HPSE2: variants seen among roughly 807,000 people sequenced by gnomAD.
HPSE2 encodes heparanase 2 (inactive), also known as inactive heparanase-2.
HPSE2 carries 38 observed loss-of-function variants against 60.5 expected under a neutral mutation model. That is an observed-to-expected ratio of 0.63 (90% CI 0.48 to 0.82). The LOEUF (loss-of-function observed/expected upper bound fraction) is 0.82, where lower values mean the gene tolerates loss of function less well. Among genes scored for constraint, HPSE2 ranks in the 40% least tolerant of loss-of-function variants. The probability of loss-of-function intolerance (pLI) is 0.00; values close to 1 mark genes in which losing one functional copy is unlikely to be tolerated. For missense variants in HPSE2, 713 were observed against 740.4 expected (o/e 0.96, Z 0.43); for synonymous variants, 295 against 293.2 (o/e 1.01, Z -0.06).
chr10:98,528,359 TATA>T (rs1943032448), intron 9 of HPSE2, among the ~76,000 whole-genome samples: 1 of 152,216 alleles, frequency 6.6e-6, no homozygotes, highest in South Asian at 2.1e-4. Flanking sequence ...AGCTGAGCTT[TATA>T]ATTCTAGATA....
rs558761324 is a variant in HPSE2 at position 99,014,016 on chromosome 10, G to C, written c.610+130222C>G. 7 of 294,084 alleles carry C rather than the reference G, an allele frequency of 2.4e-5. No homozygotes were observed. In the East Asian group the frequency reaches 3.9e-4, roughly 16 times the overall value. The allele number at this position is 294,084 out of a possible 1,614,324, so 18.2% of individuals were successfully genotyped here. On this transcript the variant is annotated intron_variant, in intron 3 of 11. Transcript: ENST00000370552. ...CCTGGCCTCCCTGGCTCAGGCTAAG[G>C]GGGTGGCAGAGAGAGACACACTGGA...
At chr10:98,790,026 G>C (rs1950622271) in intron 3 of HPSE2, among the ~76,000 whole-genome samples, 1 of 152,090 alleles carries the variant, frequency 6.6e-6, no homozygotes, top group South Asian at 2.1e-4. Flanking sequence ...TCAGTGGTCA[G>C]GAGAGAAGTA....
intron 3 of HPSE2, among the ~76,000 whole-genome samples, chr10:98,985,256 C>T (rs1956312958): frequency 6.6e-6 from 1 of 152,128 alleles, no homozygotes; most frequent in Admixed American, 6.5e-5. Context: ...GTCAGGTTAC[C>T]CACAAAGGGA....
chr10:98,899,656 C>T (rs1236479756), intron 3 of HPSE2, among the ~76,000 whole-genome samples: 1 of 151,176 alleles, frequency 6.6e-6, no homozygotes, highest in East Asian at 1.9e-4. Flanking sequence ...AAAAGACTGA[C>T]AATAGCAAGT....
At position 98,918,985 on chromosome 10, in the gene HPSE2, G is replaced by A. The variant is rs533113197; in HGVS notation, c.611-174929C>T. Among the ~76,000 whole-genome samples, 9 of 152,066 alleles carry A rather than the reference G, an allele frequency of 5.9e-5. No individual in the cohort carries two copies. The East Asian group carries it at 1.7e-3, about 29-fold the overall frequency. ...GGCCAAGCATTGTGCTAGGTGCAAG[G>A]GTTGTAAAGAAAAATAAGATACAGC... is the stretch of plus-strand genomic sequence containing the variant. On this transcript the variant is annotated intron_variant, in intron 3 of 11. Transcript: ENST00000370552.
chr10:98,860,172 T>G (rs2134774131), intron 3 of HPSE2, among the ~76,000 whole-genome samples: 1 of 152,286 alleles, frequency 6.6e-6, no homozygotes, highest in African/African-American at 2.4e-5. Context: ...TTTATTCTGT[T>G]TCCCTGGAGA....
At chr10:98,603,431 G>GT (rs1466185307) in intron 9 of HPSE2, among the ~76,000 whole-genome samples, 3 of 26,852 alleles carry the variant, frequency 1.1e-4, no homozygotes, top group African/African-American at 1.6e-4. Context: ...AGAGCACTCT[G>GT]TTTTTTTGTT....
At chr10:98,676,675 C>T (rs1186405705) in intron 6 of HPSE2, among the ~76,000 whole-genome samples, 1 of 152,130 alleles carries the variant, frequency 6.6e-6, no homozygotes, top group Non-Finnish European at 1.5e-5. Context: ...ACACTGTTCA[C>T]TGACTAGGGG....
intron 3 of HPSE2, among the ~76,000 whole-genome samples, chr10:98,746,658 A>G (rs1565132214): frequency 1.3e-5 from 2 of 151,966 alleles, no homozygotes; most frequent in African/African-American, 2.4e-5. Context: ...TTTCAATCAT[A>G]GTTGTCTAAA....
chr10:98,763,906 T>C (rs1323585861), intron 3 of HPSE2, among the ~76,000 whole-genome samples: 2 of 151,690 alleles, frequency 1.3e-5, no homozygotes, highest in Non-Finnish European at 2.9e-5. Flanking sequence ...GCAACAGAAA[T>C]AGTAAATTTG....
intron 4 of HPSE2, among the ~76,000 whole-genome samples, chr10:98,732,208 C>T (rs1231989110): frequency 6.6e-6 from 1 of 152,074 alleles, no homozygotes; most frequent in Non-Finnish European, 1.5e-5. Context: ...GTAATTCTCC[C>T]TAAATTGATT....
intron 7 of HPSE2, among the ~76,000 whole-genome samples, chr10:98,630,266 T>C (rs373017012): frequency 9.1e-4 from 138 of 151,572 alleles, no homozygotes; most frequent in Admixed American, 3.0e-3. Flanking sequence ...GGCGCCATCT[T>C]GGCTCACTGC....
chr10:98,990,485 T>G (rs892437823), intron 3 of HPSE2, among the ~76,000 whole-genome samples: 1 of 152,204 alleles, frequency 6.6e-6, no homozygotes, highest in African/African-American at 2.4e-5. Flanking sequence ...TAAATAAAGA[T>G]GAAGCTTCGC....
rs756798176 is a variant in HPSE2, at chr10:99,235,747, G to T, written c.56C>A (p.Pro19His). 1.2e-6 allele frequency: 2 copies of T among 1,613,950 alleles called. No individual in the cohort carries two copies. The highest frequency in any genetic ancestry group is 1.7e-6 in the Non-Finnish European group (2 of 1,179,970). Residue 19 changes from proline to histidine, a missense_variant, in exon 1 of 12, where the codon CCC becomes CAC. Coordinates refer to ENST00000370552, the MANE Select transcript of HPSE2 (RefSeq NM_021828.5). Reference protein sequence around the residue: ...EAMPSSNSRPPACLAPGALYL... With the variant: ...EAMPSSNSRPHACLAPGALYL... ...GAGAGCCCCCGGGGCTAGGCACGCG[G>T]GGGGGCGGGAGTTGCTGGAGGGCAT...
At chr10:98,463,390 T>C (rs998760994) in intron 11 of HPSE2, among the ~76,000 whole-genome samples, 1 of 152,264 alleles carries the variant, frequency 6.6e-6, no homozygotes, top group Non-Finnish European at 1.5e-5. Context: ...ATTTCATTAA[T>C]ATATGCATAC....
intron 9 of HPSE2, among the ~76,000 whole-genome samples, chr10:98,562,156 A>G (rs1440042987): frequency 6.6e-6 from 1 of 152,168 alleles, no homozygotes; most frequent in East Asian, 1.9e-4. Flanking sequence ...AGTTGCCTAC[A>G]GTATTTAATA....
At chr10:99,182,803 TGG>T in intron 2 of HPSE2, among the ~76,000 whole-genome samples, 1 of 152,156 alleles carries the variant, frequency 6.6e-6, no homozygotes, top group East Asian at 1.9e-4. Flanking sequence ...GAGACCATCC[TGG>T]CCAACATGGT....
At chr10:98,950,141 T>G (rs985746060) in intron 3 of HPSE2, among the ~76,000 whole-genome samples, 4 of 152,160 alleles carry the variant, frequency 2.6e-5, no homozygotes, top group African/African-American at 9.7e-5. Context: ...CGTGGTAGCT[T>G]GCTTCATCAG....
At chr10:99,019,735 A>G (rs1477840782) in intron 3 of HPSE2, among the ~76,000 whole-genome samples, 3 of 148,780 alleles carry the variant, frequency 2.0e-5, no homozygotes, top group Non-Finnish European at 3.0e-5. Flanking sequence ...TTTGAGATGG[A>G]GTCTCACTCT....
Sources: gnomAD v4.1 joint callset for allele counts (sites outside exome capture counted in the v4.1 genomes callset) on GRCh38, gnomAD v4.1.1 for gene constraint, MANE v1.5 for transcripts, NCBI Gene and HGNC (gene_info 2026-07-23, HGNC 2026-07-21) for gene names.